The following PPP2R2B variants were observed in gnomAD, a reference collection of about 807,000 sequenced individuals.
PPP2R2B encodes protein phosphatase 2 regulatory subunit Bbeta, also known as serine/threonine-protein phosphatase 2A 55 kDa regulatory subunit B beta isoform.
A neutral mutation model predicts 46.0 loss-of-function variants in PPP2R2B; 5 were observed. The ratio of observed to expected loss-of-function variants is 0.11; its 90% CI spans 0.06 to 0.23. The LOEUF (loss-of-function observed/expected upper bound fraction) is 0.23. Among genes scored for constraint, PPP2R2B ranks in the 10% least tolerant of loss-of-function variants. PPP2R2B has a pLI of 1.00. For synonymous variants in PPP2R2B, 215 were observed against 206.7 expected, an observed-to-expected ratio of 1.04 and a Z score of -0.34; for missense variants, 367 against 575.0, an observed-to-expected ratio of 0.64 and a Z score of 3.70.
intron 2 of PPP2R2B, chr5:146,706,995 G>C: frequency 2.0e-6 from 2 of 979,750 alleles, no homozygotes; most frequent in Admixed American, 1.7e-5. Flanking sequence ...GCTCTACCTC[G>C]TTAATGTAAG....
At chr5:146,682,616 C>T (rs1479870872) in intron 5 of PPP2R2B, among the ~76,000 whole-genome samples, 2 of 152,196 alleles carry the variant, frequency 1.3e-5, no homozygotes, top group Non-Finnish European at 2.9e-5. Flanking sequence ...CCACAGGCTG[C>T]CGTCTGGGCA....
intron 1 of PPP2R2B, among the ~76,000 whole-genome samples, chr5:147,018,041 GCGCACACA>G (rs200814996): frequency 0.077 from 1,302 of 16,926 alleles, 59 homozygotes; most frequent in East Asian, 0.41. Flanking sequence ...ATGCATGCGC[GCGCACACA>G]CACACACACA....
intron 1 of PPP2R2B, among the ~76,000 whole-genome samples, chr5:146,906,958 CTG>C (rs1308524358): frequency 1.3e-5 from 2 of 152,134 alleles, no homozygotes; most frequent in Non-Finnish European, 2.9e-5. Flanking sequence ...CCGAGTTACA[CTG>C]TAGCAGGAGA....
intron 1 of PPP2R2B, among the ~76,000 whole-genome samples, chr5:146,992,301 T>C (rs1353781227): frequency 6.6e-6 from 1 of 152,334 alleles, no homozygotes; most frequent in African/African-American, 2.4e-5. Flanking sequence ...TTGGGAAAAC[T>C]AGACAGCTAC....
At chr5:146,829,808 T>A (rs1463880290) in intron 2 of PPP2R2B, among the ~76,000 whole-genome samples, 3 of 152,184 alleles carry the variant, frequency 2.0e-5, no homozygotes, top group Admixed American at 6.5e-5. Flanking sequence ...GACTTTTTTT[T>A]AAGTAAAAAA....
At chr5:146,738,221 C>T (rs1337739830) in intron 2 of PPP2R2B, among the ~76,000 whole-genome samples, 1 of 151,576 alleles carries the variant, frequency 6.6e-6, no homozygotes, top group African/African-American at 2.4e-5. Flanking sequence ...ACAGTGAAAC[C>T]CCGTCTCTAC....
intron 7 of PPP2R2B, among the ~76,000 whole-genome samples, chr5:146,609,520 C>G (rs1280817880): frequency 6.6e-6 from 1 of 152,164 alleles, no homozygotes; most frequent in Non-Finnish European, 1.5e-5. Flanking sequence ...CAGCTCCGGT[C>G]TACAGCTCCC....
At chr5:146,745,190 GAGAGAGAGAGAGAGAGAA>G (rs879413110) in intron 2 of PPP2R2B, among the ~76,000 whole-genome samples, 50 of 135,988 alleles carry the variant, frequency 3.7e-4, no homozygotes, top group Admixed American at 5.5e-4. Context: ...GAGAGAGAGA[GAGAGAGAGAGAGAGAGAA>G]AGAGACTATA....
intron 1 of PPP2R2B, among the ~76,000 whole-genome samples, chr5:146,959,031 A>G (rs1752052461): frequency 6.6e-6 from 1 of 152,202 alleles, no homozygotes; most frequent in Admixed American, 6.5e-5. Flanking sequence ...CTTACATAGT[A>G]GCCTTAATCT....
chr5:147,002,105 G>A (rs768481494), intron 1 of PPP2R2B, among the ~76,000 whole-genome samples: 3 of 152,006 alleles, frequency 2.0e-5, no homozygotes, highest in Non-Finnish European at 4.4e-5. Context: ...GGCTAGTCCC[G>A]CTTCTAAAAA....
At chr5:146,600,624 G>A (rs536121327) in intron 7 of PPP2R2B, among the ~76,000 whole-genome samples, 164 bp from the exon 8 acceptor site, 20 of 152,212 alleles carry the variant, frequency 1.3e-4, no homozygotes, top group Admixed American at 1.0e-3. Context: ...CTCTGGTAGC[G>A]GAAAAAGCTG....
At chr5:146,972,789 C>A (rs1014696091) in intron 1 of PPP2R2B, among the ~76,000 whole-genome samples, 1 of 152,078 alleles carries the variant, frequency 6.6e-6, no homozygotes, top group African/African-American at 2.4e-5. Flanking sequence ...GTAAGGATAT[C>A]TTTTCATAAG....
chr5:147,023,600 G>A (rs1393590334), intron 1 of PPP2R2B, among the ~76,000 whole-genome samples: 1 of 152,172 alleles, frequency 6.6e-6, no homozygotes, highest in Non-Finnish European at 1.5e-5. Flanking sequence ...GCAGATGGCA[G>A]GCTAAGCTAT....
intron 2 of PPP2R2B, among the ~76,000 whole-genome samples, chr5:146,761,483 G>A (rs1754160919): frequency 6.6e-6 from 1 of 152,176 alleles, no homozygotes; most frequent in Non-Finnish European, 1.5e-5. Context: ...ATGGACACAG[G>A]AAGGGGAACA....
chr5:146,667,607 A>C (rs1174267024), intron 5 of PPP2R2B, among the ~76,000 whole-genome samples: 1 of 152,106 alleles, frequency 6.6e-6, no homozygotes, highest in Non-Finnish European at 1.5e-5. Flanking sequence ...ACTGAAGTAC[A>C]GAAAAATATT....
chr5:146,807,162 T>A (rs775827524), intron 2 of PPP2R2B, among the ~76,000 whole-genome samples: 2 of 152,192 alleles, frequency 1.3e-5, no homozygotes, highest in Non-Finnish European at 2.9e-5. Context: ...TGTTTGTACA[T>A]GAAAGCTTAA....
At chr5:146,705,011 T>G (rs1340081289) in intron 2 of PPP2R2B, among the ~76,000 whole-genome samples, 1 of 152,170 alleles carries the variant, frequency 6.6e-6, no homozygotes, top group Non-Finnish European at 1.5e-5. Context: ...GTGACTGTTT[T>G]GATAAAATGG....
intron 1 of PPP2R2B, among the ~76,000 whole-genome samples, chr5:146,952,083 G>C (rs933269832): frequency 4.0e-5 from 6 of 150,744 alleles, no homozygotes; most frequent in Non-Finnish European, 7.4e-5. Flanking sequence ...GTAATGCTAA[G>C]ATTCTACAAA....
At chr5:146,629,466 GC>G (rs1774279847) in intron 7 of PPP2R2B, among the ~76,000 whole-genome samples, 1 of 152,162 alleles carries the variant, frequency 6.6e-6, no homozygotes, top group Non-Finnish European at 1.5e-5. Flanking sequence ...CCTGGTCAAA[GC>G]CATTATCATG....
Sources: gnomAD v4.1 joint callset for allele counts (sites outside exome capture counted in the v4.1 genomes callset) on GRCh38, gnomAD v4.1.1 for gene constraint, MANE v1.5 for transcripts, NCBI Gene and HGNC (gene_info 2026-07-23, HGNC 2026-07-21) for gene names.